SGCD: variants seen among roughly 807,000 people sequenced by gnomAD.
SGCD encodes the protein delta-sarcoglycan.
A neutral mutation model predicts 36.6 loss-of-function variants in SGCD; 18 were observed. The ratio of observed to expected loss-of-function variants is 0.49; its 90% CI spans 0.34 to 0.73. The LOEUF (loss-of-function observed/expected upper bound fraction) is 0.73, where lower values mean the gene tolerates loss of function less well. Among genes scored for constraint, SGCD ranks in the 30% least tolerant of loss-of-function variants. The pLI, the probability that SGCD is intolerant of heterozygous loss-of-function variation, is 0.01. For synonymous variants in SGCD, 133 were observed against 130.6 expected (o/e 1.02, Z -0.12); for missense variants, 387 against 346.7 (o/e 1.12, Z -0.92).
At position 156,528,629 on chromosome 5, in the gene SGCD, A is replaced by G. The variant is rs138349402; in HGVS notation, c.294+19927A>G. Among the ~76,000 whole-genome samples, 11 of 152,322 alleles carry G rather than the reference A, an allele frequency of 7.2e-5. No homozygotes were observed. In the East Asian group the frequency reaches 1.7e-3, roughly 24 times the overall value. ...TATGTAGACAGTGGCACGAGCAGCT[A>G]TGTGGTGTGAGGCCATGAGGGAGTA... On this transcript the variant is annotated intron_variant, in intron 4 of 8. Transcript: ENST00000337851.
chr5:156,699,921 G>A (rs917838751), intron 7 of SGCD, among the ~76,000 whole-genome samples: 3 of 152,182 alleles, frequency 2.0e-5, no homozygotes, highest in Non-Finnish European at 4.4e-5. Flanking sequence ...TACAAAAGTG[G>A]CATTTAAGAG....
chr5:156,137,749 G>A (rs1474319165), intron 3 of SGCD, among the ~76,000 whole-genome samples: 6 of 152,056 alleles, frequency 3.9e-5, no homozygotes, highest in Non-Finnish European at 7.4e-5. Context: ...TATGGGTGGG[G>A]CCGGCAGCAT....
intron 6 of SGCD, among the ~76,000 whole-genome samples, chr5:156,601,352 G>A (rs1157929764): frequency 6.6e-6 from 1 of 151,870 alleles, no homozygotes; most frequent in Non-Finnish European, 1.5e-5. Flanking sequence ...TCTTCTACAT[G>A]TGGATATCCA....
At chr5:155,848,230 T>G in the SGCD span, among the ~76,000 whole-genome samples, 1 of 152,126 alleles carries the variant, frequency 6.6e-6, no homozygotes, top group Non-Finnish European at 1.5e-5. Flanking sequence ...TAAGAGGACA[T>G]TTTTGCAGAG....
intron 3 of SGCD, among the ~76,000 whole-genome samples, chr5:156,460,222 C>T (rs1190401003): frequency 6.6e-6 from 1 of 152,096 alleles, no homozygotes; most frequent in Non-Finnish European, 1.5e-5. Flanking sequence ...TTTATAAAGC[C>T]AGAGAGGACA....
chr5:155,812,869 T>C, the SGCD span, among the ~76,000 whole-genome samples: 1 of 152,162 alleles, frequency 6.6e-6, no homozygotes, highest in African/African-American at 2.4e-5. Context: ...ATAGTTCTAG[T>C]TGGGAAACCA....
intron 4 of SGCD, among the ~76,000 whole-genome samples, chr5:156,576,675 G>C (rs1320056686): frequency 1.3e-5 from 2 of 152,188 alleles, no homozygotes; most frequent in Non-Finnish European, 2.9e-5. Flanking sequence ...CTTATGACCA[G>C]TGATGATAAG....
chr5:156,657,513 A>G (rs1360033520), intron 7 of SGCD, among the ~76,000 whole-genome samples: 1 of 150,618 alleles, frequency 6.6e-6, no homozygotes, highest in African/African-American at 2.4e-5. Context: ...CTATGATCCC[A>G]GCACTTTGGG....
At chr5:156,408,461 C>G (rs991391864) in intron 3 of SGCD, among the ~76,000 whole-genome samples, 1 of 151,424 alleles carries the variant, frequency 6.6e-6, no homozygotes, top group African/African-American at 2.4e-5. Flanking sequence ...TGGGTTCAAG[C>G]GATTCTCCTG....
chr5:156,598,371 G>A (rs998369513), intron 6 of SGCD, among the ~76,000 whole-genome samples: 1 of 151,884 alleles, frequency 6.6e-6, no homozygotes, highest in African/African-American at 2.4e-5. Context: ...GTGAAACCCC[G>A]TCTCTACTAA....
intron 1 of SGCD, among the ~76,000 whole-genome samples, chr5:156,078,892 G>T (rs1356250084): frequency 2.6e-5 from 4 of 151,080 alleles, no homozygotes; most frequent in Non-Finnish European, 5.9e-5. Context: ...CACTGTGTAG[G>T]TTCATGCATC....
chr5:155,896,645 CA>C (rs34856419), intron 1 of SGCD, among the ~76,000 whole-genome samples: 10,515 of 127,816 alleles, frequency 0.082, 662 homozygotes, highest in African/African-American at 0.19. Flanking sequence ...GACCGTGTCT[CA>C]AAAAAAAAAA....
chr5:156,233,607 A>G (rs780964390), intron 3 of SGCD, among the ~76,000 whole-genome samples: 1 of 152,208 alleles, frequency 6.6e-6, no homozygotes. Flanking sequence ...ATGATCTTAC[A>G]GTGTCACATT....
At chr5:156,647,816 C>T (rs760523974) in intron 7 of SGCD, among the ~76,000 whole-genome samples, 2 of 152,098 alleles carry the variant, frequency 1.3e-5, no homozygotes, top group Non-Finnish European at 2.9e-5. Flanking sequence ...TACCCAAAAC[C>T]TATCCAGTTA....
At chr5:155,835,334 A>G in the SGCD span, among the ~76,000 whole-genome samples, 1 of 152,090 alleles carries the variant, frequency 6.6e-6, no homozygotes, top group East Asian at 1.9e-4. Flanking sequence ...TGAAACAAAA[A>G]CCTTTATCAC....
chr5:155,814,297 G>T, the SGCD span, among the ~76,000 whole-genome samples: 1 of 152,082 alleles, frequency 6.6e-6, no homozygotes, highest in Non-Finnish European at 1.5e-5. Flanking sequence ...CATTTGTCTG[G>T]CTAGCCTCCA....
intron 3 of SGCD, among the ~76,000 whole-genome samples, chr5:156,434,629 G>A (rs938367099): frequency 1.3e-4 from 20 of 152,200 alleles, no homozygotes; most frequent in African/African-American, 4.8e-4. Flanking sequence ...TAGATTCAGG[G>A]TGGGGATTGG....
chr5:156,173,033 AT>A (rs983518529), intron 3 of SGCD, among the ~76,000 whole-genome samples: 5 of 152,096 alleles, frequency 3.3e-5, no homozygotes, highest in Non-Finnish European at 7.4e-5. Context: ...ATTAACATAA[AT>A]TTTTGTCCTG....
chr5:156,502,853 A>G (rs1756516780), intron 3 of SGCD, among the ~76,000 whole-genome samples: 1 of 152,236 alleles, frequency 6.6e-6, no homozygotes. Flanking sequence ...GTGGGAACAT[A>G]TTATTTAGTT....
Sources: gnomAD v4.1 joint callset for allele counts (sites outside exome capture counted in the v4.1 genomes callset) on GRCh38, gnomAD v4.1.1 for gene constraint, MANE v1.5 for transcripts, NCBI Gene and HGNC (gene_info 2026-07-23, HGNC 2026-07-21) for gene names.